Variants in UCK2 observed in about 807,000 individuals in gnomAD.
UCK2 encodes the protein uridine-cytidine kinase 2, also known as cytidine monophosphokinase 2.
In UCK2, 6 loss-of-function variants were observed where a neutral mutation model predicts 30.8. The ratio of observed to expected loss-of-function variants is 0.19; its 90% confidence interval spans 0.11 to 0.38. UCK2 has a LOEUF of 0.38. UCK2 is among the 10% of genes least tolerant of loss of function. The pLI is 1.00. For synonymous variants in UCK2, 125 were observed against 133.6 expected, an observed-to-expected ratio of 0.94 and a Z score of 0.45; for missense variants, 210 against 339.8, an observed-to-expected ratio of 0.62 and a Z score of 3.00.
rs569289041 is a variant in UCK2, at chr1:165,855,670, G to A, written c.99+27738G>A. Among the ~76,000 whole-genome samples, 3 of 152,156 alleles carry A rather than the reference G, an allele frequency of 2.0e-5. No homozygotes were observed. The South Asian group carries it at 6.2e-4, about 31-fold the overall frequency. Reference sequence around the variant, plus strand: ...GCTACTTGAATCTTGCTGTGCGTGAGCTGCTGGAAGTCGCTGTGTCTGACT... The same window carrying A: ...GCTACTTGAATCTTGCTGTGCGTGAACTGCTGGAAGTCGCTGTGTCTGACT... On this transcript the variant is annotated intron_variant, in intron 1 of 6. Coordinates refer to ENST00000367879, the MANE Select transcript of UCK2 (RefSeq NM_012474.5).
intron 1 of UCK2, among the ~76,000 whole-genome samples, chr1:165,844,456 T>C (rs766841457): frequency 1.6e-4 from 24 of 152,204 alleles, no homozygotes; most frequent in African/African-American, 1.2e-4. Context: ...TGTTCTAATA[T>C]GTTCCTGACA....
At chr1:165,828,312 C>G (rs115817317) in intron 1 of UCK2, among the ~76,000 whole-genome samples, 11 of 152,176 alleles carry the variant, frequency 7.2e-5, no homozygotes, top group Non-Finnish European at 4.4e-5. Context: ...CCACTAACCC[C>G]CGATGGACTC....
intron 1 of UCK2, among the ~76,000 whole-genome samples, chr1:165,886,506 C>T (rs1655617055): frequency 6.6e-6 from 1 of 151,976 alleles, no homozygotes; most frequent in South Asian, 2.1e-4. Flanking sequence ...TGTTGCCCAC[C>T]CTGGGCTTGA....
At chr1:165,893,606 G>C (rs765267691) in intron 3 of UCK2, among the ~76,000 whole-genome samples, 3 of 152,214 alleles carry the variant, frequency 2.0e-5, no homozygotes, top group African/African-American at 7.2e-5. Context: ...AAATGAGATG[G>C]TTAGACTGGG....
At chr1:165,903,640 G>T (rs1002923707) in intron 5 of UCK2, among the ~76,000 whole-genome samples, 1 of 152,122 alleles carries the variant, frequency 6.6e-6, no homozygotes, top group East Asian at 1.9e-4. Flanking sequence ...ATCTCTGAAG[G>T]GTCTGCAATG....
intron 1 of UCK2, among the ~76,000 whole-genome samples, chr1:165,833,955 T>C (rs1654119871): frequency 6.6e-6 from 1 of 152,028 alleles, no homozygotes; most frequent in South Asian, 2.1e-4. Flanking sequence ...AATTATGACA[T>C]ACAAAATAGG....
chr1:165,911,036 C>T lies in UCK2; in HGVS notation c.*3213C>T, dbSNP rs1457244902. The T allele has an allele frequency of 1.3e-5, 2 of 152,448 alleles. No homozygotes were observed. Among genetic ancestry groups the T allele is most frequent in the African/African-American group, 4.8e-5 (2 of 41,574 alleles). 9.4% of individuals were successfully genotyped at this position (152,448 alleles called of 1,614,324 possible). A position where few individuals can be genotyped will look rare whatever the true frequency, so the allele number is the denominator to read the frequency against. ...TGTGCACTTTCCTTGATTTAGCAAC[C>T]TTGACCTGCACTGGCCCTCACAGCT... On this transcript the variant is annotated 3_prime_UTR_variant, in exon 7 of 7. Transcript: ENST00000367879.
chr1:165,839,299 G>T (rs1347416552), intron 1 of UCK2, among the ~76,000 whole-genome samples: 1 of 152,156 alleles, frequency 6.6e-6, no homozygotes, highest in Non-Finnish European at 1.5e-5. Flanking sequence ...GAACAAGAGA[G>T]GTAGTGAATA....
intron 1 of UCK2, among the ~76,000 whole-genome samples, chr1:165,875,565 C>G (rs543839094): frequency 6.6e-6 from 1 of 152,258 alleles, no homozygotes; most frequent in East Asian, 1.9e-4. Context: ...CTGCCCCTGC[C>G]CCCTGCAGAC....
At chr1:165,875,867 G>GT (rs1655320353) in intron 1 of UCK2, among the ~76,000 whole-genome samples, 1 of 152,096 alleles carries the variant, frequency 6.6e-6, no homozygotes, top group Non-Finnish European at 1.5e-5. Flanking sequence ...GCTTTCTTGG[G>GT]TTTTTTGGAA....
chr1:165,860,979 T>C (rs1468866823), intron 1 of UCK2, among the ~76,000 whole-genome samples: 3 of 152,152 alleles, frequency 2.0e-5, no homozygotes, highest in Admixed American at 2.0e-4. Context: ...TAAAATAGCT[T>C]AGACTGGGTA....
chr1:165,831,038 G>A (rs114764584), intron 1 of UCK2, among the ~76,000 whole-genome samples: 3,287 of 152,166 alleles, frequency 0.022, 121 homozygotes, highest in African/African-American at 0.073. Context: ...AGTATGGGAG[G>A]TCGAGGCTGC....
At chr1:165,873,133 A>G (rs928867371) in intron 1 of UCK2, among the ~76,000 whole-genome samples, 10 of 152,330 alleles carry the variant, frequency 6.6e-5, no homozygotes, top group Middle Eastern at 6.8e-3. Context: ...AAAACCAAAA[A>G]AACCCCCAGA....
At chr1:165,859,718 TGG>T (rs748023462) in intron 1 of UCK2, among the ~76,000 whole-genome samples, 3 of 152,126 alleles carry the variant, frequency 2.0e-5, no homozygotes, top group Non-Finnish European at 4.4e-5. Flanking sequence ...TCCTAGCTAC[TGG>T]GTGGGGAGGA....
chr1:165,865,163 A>G (rs553998955), intron 1 of UCK2, among the ~76,000 whole-genome samples: 2 of 152,356 alleles, frequency 1.3e-5, no homozygotes, highest in East Asian at 3.9e-4. Context: ...GTGACCATGT[A>G]GTTTGTTAAT....
intron 1 of UCK2, among the ~76,000 whole-genome samples, chr1:165,859,178 AGTGG>A (rs67191992): frequency 0.063 from 9,625 of 152,122 alleles, 858 homozygotes; most frequent in African/African-American, 0.19. Context: ...AGGTGTTCTG[AGTGG>A]GTGGGTGCAT....
At chr1:165,866,631 T>G (rs865968921) in intron 1 of UCK2, among the ~76,000 whole-genome samples, 4 of 152,260 alleles carry the variant, frequency 2.6e-5, no homozygotes, top group Admixed American at 6.5e-5. Context: ...AGCTGTTTCA[T>G]CTTCTCTAAC....
At chr1:165,830,684 A>C (rs1654026275) in intron 1 of UCK2, among the ~76,000 whole-genome samples, 1 of 152,124 alleles carries the variant, frequency 6.6e-6, no homozygotes, top group Admixed American at 6.5e-5. Context: ...TACATTTTTG[A>C]CATACGAATG....
At chr1:165,843,673 G>A (rs1296214247) in intron 1 of UCK2, among the ~76,000 whole-genome samples, 3 of 152,198 alleles carry the variant, frequency 2.0e-5, no homozygotes, top group African/African-American at 7.2e-5. Flanking sequence ...AGCTACTCAA[G>A]AGGCTGAGGT....
Sources: allele counts gnomAD v4.1 joint callset (sites outside exome capture counted in the v4.1 genomes callset), GRCh38; gene constraint gnomAD v4.1.1; transcripts MANE v1.5; gene names NCBI Gene and HGNC (gene_info 2026-07-23, HGNC 2026-07-21).